The following PDE4B variants were observed in gnomAD, a reference collection of about 807,000 sequenced individuals.
PDE4B encodes phosphodiesterase 4B, also known as 3',5'-cyclic-AMP phosphodiesterase 4B.
PDE4B carries 20 observed loss-of-function variants against 82.2 expected under a neutral mutation model. That is an observed-to-expected ratio of 0.24 (90% CI 0.17 to 0.35). PDE4B has a LOEUF of 0.35. PDE4B is among the 10% of genes least tolerant of loss of function. The pLI is 1.00. For synonymous variants in PDE4B, 320 were observed against 318.9 expected (o/e 1.00, Z -0.04); for missense variants, 655 against 907.2 (o/e 0.72, Z 3.57).
chr1:66,000,606 A>G (rs550518391), intron 3 of PDE4B, among the ~76,000 whole-genome samples: 14 of 152,182 alleles, frequency 9.2e-5, no homozygotes, highest in Non-Finnish European at 1.9e-4. Context: ...TGTGTACTTT[A>G]GGTTGAAATG....
intron 12 of PDE4B, among the ~76,000 whole-genome samples, chr1:66,363,987 A>G (rs1015518124): frequency 6.6e-6 from 1 of 152,170 alleles, no homozygotes; most frequent in Non-Finnish European, 1.5e-5. Flanking sequence ...TATTAAAAGT[A>G]TTTAACTGTA....
intron 3 of PDE4B, among the ~76,000 whole-genome samples, chr1:66,241,656 CGAG>C (rs1373293516): frequency 1.3e-5 from 2 of 151,934 alleles, no homozygotes; most frequent in Non-Finnish European, 2.9e-5. Flanking sequence ...TGAGTACAAC[CGAG>C]GAGAATATTT....
In PDE4B at chr1:66,373,130, A is replaced by C. The variant is rs138914808; in HGVS notation, c.*452A>C. On this transcript the variant is annotated 3_prime_UTR_variant, in exon 17 of 17. Transcript: ENST00000341517. ...TTTAAAATGCCTGTTGAATACCTGG[A>C]GTTTAGTATCAACTTCTACACAGAT... The C allele has an allele frequency of 4.0e-3, 650 of 162,592 alleles. 8 individuals carry two copies. Among genetic ancestry groups the C allele is most frequent in the African/African-American group, 0.014 (594 of 41,728 alleles). 10.1% of individuals were successfully genotyped at this position (162,592 alleles called of 1,614,324 possible). A position where few individuals can be genotyped will look rare whatever the true frequency, so the allele number is the denominator to read the frequency against.
intron 4 of PDE4B, among the ~76,000 whole-genome samples, chr1:66,254,544 G>A (rs979926406): frequency 1.3e-5 from 2 of 151,940 alleles, no homozygotes; most frequent in Admixed American, 6.6e-5. Context: ...TCTATAGCTC[G>A]AATTCCCATA....
At chr1:65,942,066 TTAAGA>T (rs1485373238) in intron 3 of PDE4B, among the ~76,000 whole-genome samples, 2 of 152,120 alleles carry the variant, frequency 1.3e-5, no homozygotes, top group Non-Finnish European at 2.9e-5. Flanking sequence ...CTTATTGCTG[TTAAGA>T]TAAAACAAAA....
chr1:66,096,843 G>A (rs2101008962), intron 3 of PDE4B, among the ~76,000 whole-genome samples: 1 of 151,682 alleles, frequency 6.6e-6, no homozygotes, highest in Non-Finnish European at 1.5e-5. Context: ...TGTCACTATA[G>A]TTTTGCCTTT....
At chr1:65,854,730 T>A (rs1646372814) in intron 1 of PDE4B, among the ~76,000 whole-genome samples, 1 of 152,032 alleles carries the variant, frequency 6.6e-6, no homozygotes, top group Non-Finnish European at 1.5e-5. Context: ...TTCTTGCAAG[T>A]AGGTTTATAC....
chr1:66,101,741 C>A (rs1304681388), intron 3 of PDE4B, among the ~76,000 whole-genome samples: 2 of 152,076 alleles, frequency 1.3e-5, no homozygotes, highest in Non-Finnish European at 2.9e-5. Flanking sequence ...AGCCCTTTGT[C>A]AGATGAGTAG....
chr1:65,840,196 C>T (rs112263437), intron 1 of PDE4B, among the ~76,000 whole-genome samples: 2,406 of 151,808 alleles, frequency 0.016, 56 homozygotes, highest in African/African-American at 0.051. Context: ...TGTGTGTGTA[C>T]GTATAAAATG....
intron 2 of PDE4B, among the ~76,000 whole-genome samples, 190 bp downstream of exon 2, chr1:65,913,546 A>G (rs894041800): frequency 6.6e-6 from 1 of 152,180 alleles, no homozygotes; most frequent in Non-Finnish European, 1.5e-5. Context: ...CCCTCTTTGC[A>G]TCTTGGAAAT....
chr1:65,975,909 G>C (rs572487895), intron 3 of PDE4B, among the ~76,000 whole-genome samples: 1 of 152,220 alleles, frequency 6.6e-6, no homozygotes, highest in Admixed American at 6.5e-5. Context: ...TGCTTCAGGG[G>C]TGGAGCCCTC....
chr1:66,329,101 T>C (rs990781600), intron 7 of PDE4B, among the ~76,000 whole-genome samples: 4 of 152,188 alleles, frequency 2.6e-5, no homozygotes, highest in African/African-American at 9.7e-5. Context: ...AGTAGCCAGC[T>C]GCTGGTGAGC....
chr1:66,225,197 A>C (rs998396357), intron 3 of PDE4B, among the ~76,000 whole-genome samples: 2 of 152,172 alleles, frequency 1.3e-5, no homozygotes, highest in African/African-American at 4.8e-5. Flanking sequence ...TTACTGTGTC[A>C]TGTCTGGCCT....
intron 3 of PDE4B, among the ~76,000 whole-genome samples, chr1:66,087,284 C>T (rs923276292): frequency 1.3e-5 from 2 of 152,096 alleles, no homozygotes; most frequent in African/African-American, 4.8e-5. Context: ...AGACTAGTGG[C>T]AGGGAAGTCA....
chr1:66,123,314 G>T (rs758045915), intron 3 of PDE4B, among the ~76,000 whole-genome samples: 1 of 152,184 alleles, frequency 6.6e-6, no homozygotes, highest in Non-Finnish European at 1.5e-5. Context: ...TTTCTTGACA[G>T]CATTTTGAAT....
chr1:66,236,878 A>G (rs1034721168), intron 3 of PDE4B, among the ~76,000 whole-genome samples: 9 of 152,346 alleles, frequency 5.9e-5, no homozygotes, highest in Admixed American at 3.3e-4. Flanking sequence ...ACGATGTACC[A>G]TTTAATAGCT....
At chr1:66,271,720 C>T (rs1288332482) in intron 7 of PDE4B, among the ~76,000 whole-genome samples, 1 of 152,188 alleles carries the variant, frequency 6.6e-6, no homozygotes, top group Non-Finnish European at 1.5e-5. Context: ...TGTGCAAAAG[C>T]ATCTCCTGTA....
chr1:65,819,657 G>A (rs960532033), intron 1 of PDE4B, among the ~76,000 whole-genome samples: 1 of 151,946 alleles, frequency 6.6e-6, no homozygotes, highest in African/African-American at 2.4e-5. Flanking sequence ...CCGCCACCGC[G>A]GCGGGCTATT....
chr1:65,902,317 A>T (rs2100424803), intron 1 of PDE4B, among the ~76,000 whole-genome samples: 1 of 152,272 alleles, frequency 6.6e-6, no homozygotes, highest in South Asian at 2.1e-4. Flanking sequence ...TTGCCAATAG[A>T]AATGGAAGAT....
Sources: allele counts gnomAD v4.1 joint callset (sites outside exome capture counted in the v4.1 genomes callset), GRCh38; gene constraint gnomAD v4.1.1; transcripts MANE v1.5; gene names NCBI Gene and HGNC (gene_info 2026-07-23, HGNC 2026-07-21).